ZFR2: variants seen among roughly 807,000 people sequenced by gnomAD.
ZFR2 encodes zinc finger RNA-binding protein 2.
In ZFR2, 104 loss-of-function variants were observed where a neutral mutation model predicts 105.7. The observed-to-expected ratio is 0.98, with a 90% CI of 0.84 to 1.16. The LOEUF is 1.16. Among genes scored for constraint, ZFR2 ranks in the 50% most tolerant of loss-of-function variants. The pLI, the probability that ZFR2 is intolerant of heterozygous loss-of-function variation, is 0.00. For synonymous variants in ZFR2, 634 were observed against 597.7 expected, an observed-to-expected ratio of 1.06 and a Z score of -0.89; for missense variants, 1,425 against 1,355.5, an observed-to-expected ratio of 1.05 and a Z score of -0.80.
At chr19:3,868,919 C>G (rs1172500840) in intron 1 of ZFR2, 46 bp downstream of exon 1, 5 of 1,251,866 alleles carry the variant, frequency 4.0e-6, no homozygotes, top group Non-Finnish European at 5.1e-6. Flanking sequence ...CCCGGCCAGG[C>G]TGCAGGGGCC....
chr19:3,831,309 G>T lies in ZFR2; in HGVS notation c.846C>A (p.Gly282=). The T allele has an allele frequency of 6.5e-7, 1 of 1,534,572 alleles. No individual in the cohort carries two copies. Among genetic ancestry groups the T allele is most frequent in the Non-Finnish European group, 8.8e-7 (1 of 1,140,252 alleles). ...YCDICKISCA[G]PQTYREHLGG... is the part of the protein sequence containing the mutation. ...TGGCAGGAGGGCGACTGACCTGGGGGCCAGCGCAGCTGATCTTGCAGATGT... is the reference window on the plus strand; with the variant it reads ...TGGCAGGAGGGCGACTGACCTGGGGTCCAGCGCAGCTGATCTTGCAGATGT... Residue 282 remains glycine (G), a synonymous_variant, in exon 5 of 19, where the codon GGC becomes GGA. Coordinates refer to ENST00000262961, the MANE Select transcript of ZFR2 (RefSeq NM_015174.2).
At chr19:3,832,826 C>T (rs1407266496) in intron 3 of ZFR2, among the ~76,000 whole-genome samples, 4 of 151,162 alleles carry the variant, frequency 2.6e-5, no homozygotes, top group African/African-American at 7.3e-5. Context: ...TTTGTAGAGA[C>T]GGGGGTCTTA....
chr19:3,833,296 G>T (rs1333836790), intron 3 of ZFR2, among the ~76,000 whole-genome samples: 1 of 148,838 alleles, frequency 6.7e-6, no homozygotes, highest in Admixed American at 6.7e-5. Flanking sequence ...TAACTTTCAG[G>T]CCGGGCATGG....
chr19:3,852,751 C>A (rs900407221), intron 1 of ZFR2: 6 of 626,306 alleles, frequency 9.6e-6, no homozygotes, highest in African/African-American at 5.5e-5. Flanking sequence ...GGGAAGAACA[C>A]CCCACAGCAT....
intron 12 of ZFR2, 126 bp from the exon 13 acceptor site, chr19:3,816,971 C>G: frequency 1.1e-6 from 1 of 876,216 alleles, no homozygotes; most frequent in South Asian, 1.8e-5. Context: ...CATCCTCATC[C>G]ATGAAATGGG....
Position 3,834,969 on chromosome 19 carries a change from G to A in ZFR2, c.68C>T (p.Thr23Ile). The A allele has an allele frequency of 6.2e-7, 1 of 1,610,616 alleles. No homozygotes were observed. Among genetic ancestry groups the A allele is most frequent in the South Asian group, 1.1e-5 (1 of 90,446 alleles). Residue 23 changes from threonine (T) to isoleucine (I), a missense_variant, in exon 2 of 19, where the codon ACC (threonine) becomes ATC (isoleucine). Physicochemically the swap from Thr to Ile is moderately conservative, Grantham distance 89. Coordinates refer to ENST00000262961, the MANE Select transcript of ZFR2 (RefSeq NM_015174.2). This position sits in a 1 kb window ranked among gnomAD's most constrained non-coding sequence, Gnocchi z 5.3. ...GGCCCCCACAGTGGGCAGGGGAAGG[G>A]TCGGAGGCTGGGCGCTAGAACCACA... ...GGPQYSAQPP[T>I]LPLPTVGASY...
chr19:3,816,615 C>T lies in ZFR2; in HGVS notation c.2103+59G>A. The T allele has an allele frequency of 1.2e-5, 18 of 1,553,730 alleles. 1 individual carries two copies. The highest frequency in any genetic ancestry group is 9.4e-5 in the South Asian group (8 of 85,180). On this transcript the variant is annotated intron_variant, in intron 13 of 18. Coordinates refer to ENST00000262961, the MANE Select transcript of ZFR2 (RefSeq NM_015174.2). ...TGCCATCTAGGAGCGCAAGGGGCTG[C>T]GGGGAGAGGGCTGGCAGCCAGACGC...
In ZFR2 at chr19:3,827,482, T is replaced by C. The variant is rs1270905915; in HGVS notation, c.1024A>G (p.Lys342Glu). Reference sequence around the variant, plus strand: ...GGGCGGGGCCGTACCTTCTGGTGCTTGGATCCCCGGATGTGGGCCGCGTAG... The same window carrying C: ...GGGCGGGGCCGTACCTTCTGGTGCTCGGATCCCCGGATGTGGGCCGCGTAG... ...DAYAAHIRGS[K>E]HQKVFKLHAK... Residue 342 changes from lysine to glutamate, a missense_variant, in exon 6 of 19, where the codon AAG becomes GAG. Coordinates refer to ENST00000262961, the MANE Select transcript of ZFR2 (RefSeq NM_015174.2). The C allele has an allele frequency of 3.2e-6, 5 of 1,549,090 alleles. No individual in the cohort carries two copies. In the South Asian group the frequency reaches 3.6e-5, roughly 11 times the overall value.
At chr19:3,833,427 T>G (rs1398797042) in intron 3 of ZFR2, 1 of 376,770 alleles carries the variant, frequency 2.7e-6, no homozygotes, top group African/African-American at 2.1e-5. Flanking sequence ...ATACAAAAAA[T>G]TAGCCGGGCG....
intron 7 of ZFR2, 41 bp downstream of exon 7, chr19:3,825,189 G>A: frequency 7.0e-7 from 1 of 1,423,520 alleles, no homozygotes; most frequent in Admixed American, 3.4e-5. Flanking sequence ...AGGCGGCCAG[G>A]GCTCTGGTGG....
intron 5 of ZFR2, 73 bp downstream of exon 5, chr19:3,831,230 C>T (rs976264272): frequency 6.3e-6 from 9 of 1,431,932 alleles, no homozygotes; most frequent in African/African-American, 1.4e-5. Flanking sequence ...ACCCCACCGG[C>T]GCCCACATTC....
chr19:3,841,885 C>T (rs1373599144), intron 1 of ZFR2, among the ~76,000 whole-genome samples: 1 of 152,026 alleles, frequency 6.6e-6, no homozygotes, highest in East Asian at 1.9e-4. Flanking sequence ...CTCCCAGTTT[C>T]AAGCAATTCT....
rs377747826 is a variant in ZFR2, at chr19:3,863,382, G to A, written c.53+5583C>T. Among the ~76,000 whole-genome samples the A allele has an allele frequency of 3.3e-5, 5 of 152,056 alleles. No individual in the cohort carries two copies. In the South Asian group the frequency reaches 1.0e-3, roughly 31 times the overall value. On this transcript the variant is annotated intron_variant, in intron 1 of 18. Coordinates refer to ENST00000262961, the MANE Select transcript of ZFR2 (RefSeq NM_015174.2). ...GTCACCGTTACTTTCCCAGTGACAC[G>A]GGGCCATGTGCTGTCTCAATGTCCC...
At chr19:3,848,010 C>T (rs940490513) in intron 1 of ZFR2, among the ~76,000 whole-genome samples, 1 of 152,140 alleles carries the variant, frequency 6.6e-6, no homozygotes, top group Non-Finnish European at 1.5e-5. Context: ...CTACAGAGCT[C>T]AACAAGAGGG....
In ZFR2 at chr19:3,807,224, G is replaced by A. The variant is rs199702029; in HGVS notation, c.2591C>T (p.Ala864Val). The change falls in exon 18 of 19, where the codon GCC becomes GTC. Residue 864 changes from alanine (A) to valine (V), a missense_variant. Coordinates refer to ENST00000262961, the MANE Select transcript of ZFR2 (RefSeq NM_015174.2). ...QDPCERDQTD[A>V]LEPMTLQERE... ...CTCTTGGAGGGTCATGGGCTCGAGG[G>A]CATCTGTCTGGTCTCTCTCGCAGGG... 2.2e-4 allele frequency: 347 copies of A among 1,561,494 alleles called. No individual in the cohort carries two copies. In the East Asian group the frequency reaches 5.7e-3, roughly 26 times the overall value.
intron 2 of ZFR2, 90 bp from the exon 3 acceptor site, chr19:3,833,868 G>T: frequency 1.0e-6 from 1 of 982,904 alleles, no homozygotes; most frequent in South Asian, 1.5e-5. Flanking sequence ...ACTGCACTCT[G>T]CACTTAGTCC....
At chr19:3,807,330 C>G in intron 17 of ZFR2, 61 bp from the exon 18 acceptor site, 1 of 1,309,302 alleles carries the variant, frequency 7.6e-7, no homozygotes, top group Admixed American at 2.0e-5. Flanking sequence ...AAGACGGTGA[C>G]AGGGCCGTCC....
chr19:3,847,586 A>T (rs2038196327), intron 1 of ZFR2, among the ~76,000 whole-genome samples: 1 of 152,202 alleles, frequency 6.6e-6, no homozygotes, highest in Non-Finnish European at 1.5e-5. Flanking sequence ...CATATAGCAT[A>T]ACTTCTGCCA....
intron 16 of ZFR2, among the ~76,000 whole-genome samples, chr19:3,809,802 G>T (rs1195284992): frequency 6.6e-6 from 1 of 152,102 alleles, no homozygotes; most frequent in Non-Finnish European, 1.5e-5. Flanking sequence ...AAATTAGCCA[G>T]GCGTGGTGGT....
Sources: gnomAD v4.1 joint callset for allele counts (sites outside exome capture counted in the v4.1 genomes callset) on GRCh38, gnomAD v4.1.1 for gene constraint, Gnocchi (gnomAD v3.1) non-coding constraint, MANE v1.5 for transcripts, NCBI Gene and HGNC (gene_info 2026-07-23, HGNC 2026-07-21) for gene names.